Variants in PARP11 observed in about 807,000 individuals in gnomAD.
PARP11 encodes the protein protein mono-ADP-ribosyltransferase PARP11.
Under a neutral mutation model 42.9 loss-of-function variants are expected in PARP11, and 31 were observed. That is an observed-to-expected ratio of 0.72 (90% confidence interval 0.54 to 0.98). The LOEUF (loss-of-function observed/expected upper bound fraction) is 0.98, where lower values mean the gene tolerates loss of function less well. Ranked by LOEUF, PARP11 falls within the 50% of genes least tolerant of loss-of-function variation. PARP11 has a pLI of 0.00. For missense variants in PARP11, 365 were observed against 413.1 expected, an observed-to-expected ratio of 0.88 and a Z score of 1.01; for synonymous variants, 137 against 127.3, an observed-to-expected ratio of 1.08 and a Z score of -0.51.
rs149917237 is a variant in PARP11 at position 3,864,841 on chromosome 12, T to C, written c.18+8371A>G. 4.3e-4 allele frequency among the ~76,000 whole-genome samples: 65 copies of C among 152,324 alleles called. 1 individual carries two copies. Among genetic ancestry groups the C allele is most frequent in the African/African-American group, 1.6e-3 (65 of 41,592 alleles). ...AAATTTATTAATAGTCTTGATGTTC[T>C]CAAAGAACTAGCTTTCAGTATCATT... On this transcript the variant is annotated intron_variant, in intron 1 of 7. Coordinates refer to ENST00000228820, the MANE Select transcript of PARP11 (RefSeq NM_020367.6).
intron 1 of PARP11, chr12:3,841,688 A>G (rs143956426): frequency 0.02 from 32,048 of 1,613,376 alleles, 415 homozygotes; most frequent in Non-Finnish European, 0.024. Flanking sequence ...ATGTTCCCCC[A>G]GCCATCTTTT....
chr12:3,839,267 A>G (rs1357003100), intron 1 of PARP11, among the ~76,000 whole-genome samples: 6 of 151,232 alleles, frequency 4.0e-5, no homozygotes, highest in East Asian at 1.9e-4. Flanking sequence ...ATGTGGGGCT[A>G]GCCCTCGCGC....
intron 6 of PARP11, among the ~76,000 whole-genome samples, chr12:3,820,434 C>T (rs916164248): frequency 2.0e-5 from 3 of 152,152 alleles, no homozygotes; most frequent in African/African-American, 7.2e-5. Context: ...GTTCACTTAC[C>T]ATCACAGATT....
chr12:3,812,489 T>A, intron 7 of PARP11, 50 bp from the exon 8 acceptor site: 2 of 1,370,014 alleles, frequency 1.5e-6, no homozygotes, highest in Non-Finnish European at 1.0e-6. Context: ...AAGAATATAT[T>A]AAAAACAAGC....
At chr12:3,834,090 G>C (rs1947705684) in intron 1 of PARP11, among the ~76,000 whole-genome samples, 1 of 152,194 alleles carries the variant, frequency 6.6e-6, no homozygotes, top group Admixed American at 6.5e-5. Flanking sequence ...TCCTCCCAGA[G>C]TAGAGGTTTT....
At chr12:3,843,410 A>G (rs1173693681) in intron 1 of PARP11, among the ~76,000 whole-genome samples, 2 of 152,236 alleles carry the variant, frequency 1.3e-5, no homozygotes, top group Non-Finnish European at 2.9e-5. Flanking sequence ...TTTTGTGAGA[A>G]GAAATGTTAA....
At chr12:3,819,964 C>G (rs1007896738) in intron 6 of PARP11, among the ~76,000 whole-genome samples, 1 of 152,202 alleles carries the variant, frequency 6.6e-6, no homozygotes, top group African/African-American at 2.4e-5. Flanking sequence ...GCCCCTGATG[C>G]CTGAGATGCC....
intron 1 of PARP11, among the ~76,000 whole-genome samples, chr12:3,853,170 C>T (rs1173517038): frequency 2.6e-5 from 4 of 152,206 alleles, no homozygotes; most frequent in African/African-American, 9.7e-5. Context: ...GTACCAGCCA[C>T]TGCAAAAACA....
chr12:3,841,742 T>C (rs1019915508), intron 1 of PARP11: 3 of 1,612,908 alleles, frequency 1.9e-6, no homozygotes, highest in Non-Finnish European at 2.5e-6. Context: ...GCACCTCCTT[T>C]CTTTCCTCAT....
At position 3,872,576 on chromosome 12, in the gene PARP11, A is replaced by G. The variant is rs550765290; in HGVS notation, c.18+636T>C. The G allele has an allele frequency of 7.2e-5, 71 of 985,406 alleles. No homozygotes were observed. The South Asian group carries it at 3.0e-3, about 42-fold the overall frequency. 61.0% of individuals were successfully genotyped at this position (985,406 alleles called of 1,614,324 possible). ...TGCTCCAGATCACTTTGTCCACCGA[A>G]CGAAAACATCTAAGAACATACAGTC... On this transcript the variant is annotated intron_variant, in intron 1 of 7. Coordinates refer to ENST00000228820, the MANE Select transcript of PARP11 (RefSeq NM_020367.6).
intron 1 of PARP11, among the ~76,000 whole-genome samples, chr12:3,853,746 G>A (rs1333678417): frequency 1.3e-5 from 2 of 152,120 alleles, no homozygotes; most frequent in Admixed American, 6.5e-5. Flanking sequence ...AGTTAACAAG[G>A]ATATCCAGGA....
At chr12:3,868,812 C>T (rs1317286098) in intron 1 of PARP11, among the ~76,000 whole-genome samples, 1 of 152,196 alleles carries the variant, frequency 6.6e-6, no homozygotes, top group Non-Finnish European at 1.5e-5. Flanking sequence ...TCCTACAGCC[C>T]CTTATCCCCC....
chr12:3,818,612 T>A (rs1947336288), intron 6 of PARP11, among the ~76,000 whole-genome samples: 1 of 152,222 alleles, frequency 6.6e-6, no homozygotes, highest in Non-Finnish European at 1.5e-5. Flanking sequence ...TCTCTCATCC[T>A]CCTCACTGCC....
intron 6 of PARP11, among the ~76,000 whole-genome samples, chr12:3,820,525 T>A (rs929358590): frequency 9.2e-5 from 14 of 152,204 alleles, no homozygotes; most frequent in African/African-American, 3.4e-4. Flanking sequence ...ATTGGAATTC[T>A]TAGTATAAAA....
At chr12:3,858,531 T>G (rs1447848752) in intron 1 of PARP11, among the ~76,000 whole-genome samples, 3 of 152,204 alleles carry the variant, frequency 2.0e-5, no homozygotes, top group African/African-American at 7.2e-5. Flanking sequence ...GCAAAATGCT[T>G]CCTCGCCCCT....
At chr12:3,815,517 C>G (rs1489308270) in intron 6 of PARP11, among the ~76,000 whole-genome samples, 2 of 152,206 alleles carry the variant, frequency 1.3e-5, no homozygotes, top group Non-Finnish European at 2.9e-5. Context: ...CACAGCATAG[C>G]TTCTAGGTCT....
At chr12:3,844,114 C>A (rs747197708) in intron 1 of PARP11, among the ~76,000 whole-genome samples, 1 of 152,132 alleles carries the variant, frequency 6.6e-6, no homozygotes, top group Non-Finnish European at 1.5e-5. Flanking sequence ...GGTTATTTAC[C>A]TCTGTGCTGT....
intron 1 of PARP11, among the ~76,000 whole-genome samples, chr12:3,853,812 C>G (rs548149363): frequency 2.6e-5 from 4 of 152,332 alleles, no homozygotes; most frequent in Admixed American, 6.5e-5. Flanking sequence ...AACTCTCCAC[C>G]CTAAATCAAC....
chr12:3,844,164 G>T (rs770741862), intron 1 of PARP11, among the ~76,000 whole-genome samples: 1 of 152,148 alleles, frequency 6.6e-6, no homozygotes, highest in Non-Finnish European at 1.5e-5. Context: ...GATTTGAGTA[G>T]TGATTAGCAT....
Sources: gnomAD v4.1 joint callset for allele counts (sites outside exome capture counted in the v4.1 genomes callset) on GRCh38, gnomAD v4.1.1 for gene constraint, MANE v1.5 for transcripts, NCBI Gene and HGNC (gene_info 2026-07-23, HGNC 2026-07-21) for gene names.